Variants in ENTREP2 observed in about 807,000 individuals in gnomAD.
ENTREP2 encodes protein ENTREP2.
At chr15:29,328,794 ATCACTATGAAC>A in the ENTREP2 span, among the ~76,000 whole-genome samples, 3 of 152,222 alleles carry the variant, frequency 2.0e-5, no homozygotes, top group Non-Finnish European at 2.9e-5. Context: ...CATTGAAGAC[ATCACTATGAAC>A]TCATGTTTAG....
chr15:29,168,615 A>T, the ENTREP2 span, among the ~76,000 whole-genome samples: 2 of 152,198 alleles, frequency 1.3e-5, no homozygotes, highest in Non-Finnish European at 2.9e-5. Flanking sequence ...AGGCTGTCAT[A>T]TGGAGAAGGT....
the ENTREP2 span, among the ~76,000 whole-genome samples, chr15:29,515,676 C>A: frequency 1.3e-5 from 2 of 152,180 alleles, no homozygotes; most frequent in African/African-American, 4.8e-5. Context: ...ATCTACTGAA[C>A]TAAAAGAAAA....
the ENTREP2 span, among the ~76,000 whole-genome samples, chr15:29,424,407 T>G: frequency 6.6e-6 from 1 of 152,006 alleles, no homozygotes; most frequent in Non-Finnish European, 1.5e-5. Flanking sequence ...TTTTATAGAG[T>G]GCCGATTGGT....
At chr15:29,167,871 T>C in the ENTREP2 span, among the ~76,000 whole-genome samples, 101 of 152,318 alleles carry the variant, frequency 6.6e-4, no homozygotes, top group African/African-American at 2.3e-3. Flanking sequence ...TGCACACGCA[T>C]GTTTATAGCA....
At chr15:29,369,985 G>A in the ENTREP2 span, among the ~76,000 whole-genome samples, 2 of 152,152 alleles carry the variant, frequency 1.3e-5, no homozygotes, top group Non-Finnish European at 2.9e-5. Flanking sequence ...CAGGAGATGC[G>A]ATTGTCCAAT....
chr15:29,425,111 C>T, the ENTREP2 span, among the ~76,000 whole-genome samples: 3 of 152,166 alleles, frequency 2.0e-5, no homozygotes, highest in African/African-American at 7.2e-5. Context: ...TCACTGCAAG[C>T]TCCACCTCCA....
chr15:29,434,362 C>A, the ENTREP2 span, among the ~76,000 whole-genome samples: 1 of 152,206 alleles, frequency 6.6e-6, no homozygotes, highest in African/African-American at 2.4e-5. Flanking sequence ...GTGTTTCCTT[C>A]GCCTTCCTAA....
the ENTREP2 span, among the ~76,000 whole-genome samples, chr15:29,390,308 T>C: frequency 6.6e-6 from 1 of 152,182 alleles, no homozygotes; most frequent in Non-Finnish European, 1.5e-5. Flanking sequence ...TACCGCATCA[T>C]GAAACCTTCA....
At chr15:29,481,050 G>A in the ENTREP2 span, among the ~76,000 whole-genome samples, 2 of 152,214 alleles carry the variant, frequency 1.3e-5, no homozygotes, top group East Asian at 3.9e-4. Context: ...TGGAGAAGGA[G>A]TGCTGCCTTG....
chr15:29,612,047 T>C, the ENTREP2 span, among the ~76,000 whole-genome samples: 1 of 152,184 alleles, frequency 6.6e-6, no homozygotes, highest in Admixed American at 6.5e-5. Flanking sequence ...GGCAACTCTG[T>C]GGAATTTTTA....
the ENTREP2 span, among the ~76,000 whole-genome samples, chr15:29,198,429 C>T: frequency 2.6e-5 from 4 of 152,202 alleles, no homozygotes; most frequent in Admixed American, 6.5e-5. Flanking sequence ...ATTATACTCC[C>T]ACCAATAGGG....
At chr15:29,351,039 G>C in the ENTREP2 span, among the ~76,000 whole-genome samples, 4 of 152,280 alleles carry the variant, frequency 2.6e-5, no homozygotes, top group African/African-American at 9.6e-5. Context: ...TAATGACAAA[G>C]ATACAATCTG....
At chr15:29,655,128 G>A in the ENTREP2 span, among the ~76,000 whole-genome samples, 1 of 152,160 alleles carries the variant, frequency 6.6e-6, no homozygotes, top group Admixed American at 6.6e-5. Flanking sequence ...TGAAAAATTA[G>A]CACCTTTGGT....
chr15:29,239,355 T>A, the ENTREP2 span, among the ~76,000 whole-genome samples: 7 of 152,282 alleles, frequency 4.6e-5, no homozygotes, highest in African/African-American at 1.2e-4. Flanking sequence ...CCACGCATCA[T>A]ACTTGAGGCA....
At chr15:29,674,206 C>T in the ENTREP2 span, among the ~76,000 whole-genome samples, 705 of 151,214 alleles carry the variant, frequency 4.7e-3, 4 homozygotes, top group African/African-American at 0.016. Context: ...CTCCTCGCTA[C>T]CCCAGCCAGA....
the ENTREP2 span, among the ~76,000 whole-genome samples, chr15:29,163,816 C>G: frequency 6.6e-6 from 1 of 152,180 alleles, no homozygotes; most frequent in Non-Finnish European, 1.5e-5. Flanking sequence ...GAACAAAGAA[C>G]ACCTGGGAAA....
chr15:29,192,574 G>T, the ENTREP2 span, among the ~76,000 whole-genome samples: 1 of 152,166 alleles, frequency 6.6e-6, no homozygotes, highest in Non-Finnish European at 1.5e-5. Flanking sequence ...ACTTACCTGG[G>T]GCGTATGCAG....
At chr15:29,433,102 A>G in the ENTREP2 span, among the ~76,000 whole-genome samples, 4 of 152,098 alleles carry the variant, frequency 2.6e-5, no homozygotes, top group African/African-American at 7.2e-5. Context: ...GAGCCAAGGA[A>G]CCTGCCTGGG....
the ENTREP2 span, among the ~76,000 whole-genome samples, chr15:29,663,208 T>A: frequency 6.6e-6 from 1 of 152,100 alleles, no homozygotes; most frequent in Non-Finnish European, 1.5e-5. Flanking sequence ...CTTCTAAGAA[T>A]CATTTTTAGT....
Sources: allele counts gnomAD v4.1 joint callset (sites outside exome capture counted in the v4.1 genomes callset), GRCh38; gene constraint gnomAD v4.1.1; transcripts MANE v1.5; gene names NCBI Gene and HGNC (gene_info 2026-07-23, HGNC 2026-07-21).